The following ANK1 variants were observed in gnomAD, a reference collection of about 807,000 sequenced individuals.
ANK1 encodes the protein ankyrin-1.
In ANK1, 51 loss-of-function variants were observed where a neutral mutation model predicts 210.4. That is an observed-to-expected ratio of 0.24 (90% CI 0.19 to 0.31). ANK1 has a LOEUF of 0.31. ANK1 is among the 10% of genes least tolerant of loss of function. The pLI is 1.00. For missense variants in ANK1, 2,051 were observed against 2,504.4 expected, an observed-to-expected ratio of 0.82 and a Z score of 3.86; for synonymous variants, 967 against 1,025.9, an observed-to-expected ratio of 0.94 and a Z score of 1.10.
chr8:41,681,035 A>G (rs1189710658), intron 37 of ANK1, among the ~76,000 whole-genome samples: 1 of 152,180 alleles, frequency 6.6e-6, no homozygotes, highest in African/African-American at 2.4e-5. Flanking sequence ...CATACAGTCA[A>G]GTGGTCCCTG....
At chr8:41,690,639 G>C in intron 31 of ANK1, 40 bp from the exon 32 acceptor site, 2 of 1,602,856 alleles carry the variant, frequency 1.2e-6, no homozygotes, top group Admixed American at 1.7e-5. Context: ...GTCAGGGAGA[G>C]AAGGGCCCAG....
intron 1 of ANK1, among the ~76,000 whole-genome samples, chr8:41,795,371 T>C (rs1563791021): frequency 1.3e-5 from 2 of 152,028 alleles, no homozygotes; most frequent in Admixed American, 6.6e-5. Flanking sequence ...TATCCAAGCA[T>C]GGTGGCACGC....
chr8:41,887,141 T>C (rs928088813), intron 1 of ANK1, among the ~76,000 whole-genome samples: 6 of 152,078 alleles, frequency 3.9e-5, no homozygotes, highest in Non-Finnish European at 8.8e-5. Flanking sequence ...AAAGCCCTGC[T>C]ACCCTCTTAG....
intron 26 of ANK1, 50 bp from the exon 27 acceptor site, chr8:41,695,381 A>AG (rs1363801836): frequency 3.1e-6 from 5 of 1,612,154 alleles, no homozygotes; most frequent in East Asian, 4.5e-5. Context: ...CAAGGCAGGC[A>AG]GGGCACAGGG....
chr8:41,742,246 C>T (rs1834978310), intron 2 of ANK1, among the ~76,000 whole-genome samples: 1 of 152,198 alleles, frequency 6.6e-6, no homozygotes, highest in Admixed American at 6.5e-5. Flanking sequence ...CCCAGTTGCA[C>T]TAATTGATTT....
At chr8:41,807,480 A>T (rs1459026260) in intron 1 of ANK1, among the ~76,000 whole-genome samples, 1 of 151,968 alleles carries the variant, frequency 6.6e-6, no homozygotes, top group Non-Finnish European at 1.5e-5. Flanking sequence ...TGGCCCTTTC[A>T]CCTTCTTCCT....
intron 1 of ANK1, among the ~76,000 whole-genome samples, chr8:41,852,439 A>C (rs1356574244): frequency 6.6e-6 from 1 of 152,018 alleles, no homozygotes; most frequent in Non-Finnish European, 1.5e-5. Flanking sequence ...TGACCCGGGC[A>C]CCTCCTACGC....
intron 1 of ANK1, among the ~76,000 whole-genome samples, chr8:41,863,370 A>G (rs1314849102): frequency 2.6e-5 from 4 of 152,216 alleles, no homozygotes; most frequent in African/African-American, 9.7e-5. Context: ...TTAAAAAAAA[A>G]GAAAAAAAGT....
chr8:41,894,948 C>G (rs983061841), intron 1 of ANK1, among the ~76,000 whole-genome samples: 1 of 152,120 alleles, frequency 6.6e-6, no homozygotes, highest in Non-Finnish European at 1.5e-5. Context: ...TGTGAAACTA[C>G]TATTTACACA....
intron 1 of ANK1, among the ~76,000 whole-genome samples, chr8:41,794,006 A>G (rs1848256047): frequency 6.6e-6 from 1 of 152,214 alleles, no homozygotes; most frequent in Non-Finnish European, 1.5e-5. Context: ...CGGTTGTACT[A>G]CAATTGCATG....
At chr8:41,693,296 T>C (rs1819803195) in intron 29 of ANK1, 95 bp from the exon 30 acceptor site, 1 of 1,139,026 alleles carries the variant, frequency 8.8e-7, no homozygotes, top group Non-Finnish European at 1.3e-6. Flanking sequence ...AAGGTGAGAC[T>C]GGGTGAAGCT....
intron 1 of ANK1, among the ~76,000 whole-genome samples, chr8:41,837,880 A>C (rs1242903576): frequency 2.6e-5 from 4 of 152,058 alleles, no homozygotes; most frequent in African/African-American, 9.7e-5. Flanking sequence ...AAAAAAAAAA[A>C]TGTTAATTTA....
chr8:41,767,510 C>G (rs909409640), intron 1 of ANK1, among the ~76,000 whole-genome samples: 3 of 151,524 alleles, frequency 2.0e-5, no homozygotes, highest in Admixed American at 6.6e-5. Context: ...CCACTCGCCC[C>G]GGCCCGGCCC....
intron 1 of ANK1, among the ~76,000 whole-genome samples, chr8:41,770,895 G>A (rs1028354082): frequency 2.0e-5 from 3 of 152,214 alleles, no homozygotes; most frequent in Non-Finnish European, 4.4e-5. Context: ...ATGGTGCCCA[G>A]TCCCAGGTGT....
chr8:41,864,158 A>G (rs1438730884), intron 1 of ANK1, among the ~76,000 whole-genome samples: 5 of 151,836 alleles, frequency 3.3e-5, no homozygotes, highest in Admixed American at 6.6e-5. Flanking sequence ...GCTGAGGCAG[A>G]AGAATGGCAT....
intron 1 of ANK1, among the ~76,000 whole-genome samples, chr8:41,809,169 G>A (rs1028178415): frequency 6.6e-6 from 1 of 152,088 alleles, no homozygotes; most frequent in African/African-American, 2.4e-5. Flanking sequence ...ATGCCTTACG[G>A]GTCTTTTTTG....
intron 39 of ANK1, 63 bp downstream of exon 39, chr8:41,668,204 G>T: frequency 6.2e-7 from 1 of 1,608,678 alleles, no homozygotes; most frequent in Non-Finnish European, 8.5e-7. Context: ...GGCAGCCCTG[G>T]AGTCCCGGCC....
chr8:41,821,466 A>G (rs370443368), intron 1 of ANK1, among the ~76,000 whole-genome samples: 19 of 152,152 alleles, frequency 1.2e-4, no homozygotes, highest in Middle Eastern at 3.4e-3. Context: ...ACTAGATGTC[A>G]TTCAACCGTA....
upstream of ANK1, among the ~76,000 whole-genome samples, chr8:41,802,493 T>C (rs372762139): frequency 9.2e-5 from 14 of 152,354 alleles, 2 homozygotes; most frequent in African/African-American, 3.4e-4. Flanking sequence ...GAGAACTCTC[T>C]CCTATGATCC....
Sources: allele counts gnomAD v4.1 joint callset (sites outside exome capture counted in the v4.1 genomes callset), GRCh38; gene constraint gnomAD v4.1.1; transcripts MANE v1.5; gene names NCBI Gene and HGNC (gene_info 2026-07-23, HGNC 2026-07-21).